The following SRPK2 variants were observed in gnomAD, a reference collection of about 807,000 sequenced individuals.
SRPK2 encodes the protein SFRS protein kinase 2.
A neutral mutation model predicts 90.8 loss-of-function variants in SRPK2; 21 were observed. That is an observed-to-expected ratio of 0.23 (90% CI 0.16 to 0.33). The LOEUF (loss-of-function observed/expected upper bound fraction) is 0.33, where lower values mean the gene tolerates loss of function less well. Ranked by LOEUF, SRPK2 falls within the 10% of genes least tolerant of loss-of-function variation. The pLI, the probability that SRPK2 is intolerant of heterozygous loss-of-function variation, is 1.00. For missense variants in SRPK2, 620 were observed against 869.0 expected, an observed-to-expected ratio of 0.71 and a Z score of 3.60; for synonymous variants, 288 against 311.1, an observed-to-expected ratio of 0.93 and a Z score of 0.78.
intron 7 of SRPK2, among the ~76,000 whole-genome samples, chr7:105,153,130 G>A (rs565046013): frequency 5.3e-5 from 8 of 152,214 alleles, no homozygotes; most frequent in South Asian, 2.1e-4. Flanking sequence ...AAGCCCAGAC[G>A]AGCCAGGGAC....
At chr7:105,258,146 C>T (rs978632779) in intron 2 of SRPK2, among the ~76,000 whole-genome samples, 2 of 151,388 alleles carry the variant, frequency 1.3e-5, no homozygotes, top group Admixed American at 6.6e-5. Context: ...AGGCCAGGTG[C>T]GGTGGATCAC....
intron 2 of SRPK2, among the ~76,000 whole-genome samples, chr7:105,315,840 G>A (rs551155404): frequency 6.6e-6 from 1 of 152,032 alleles, no homozygotes; most frequent in Non-Finnish European, 1.5e-5. Context: ...CTAATATAAT[G>A]CATAATAAAT....
intron 2 of SRPK2, among the ~76,000 whole-genome samples, chr7:105,289,100 CAAAAAAA>C (rs57131530): frequency 2.3e-5 from 2 of 86,656 alleles, no homozygotes; most frequent in South Asian, 4.8e-4. Context: ...ACTTAAAGCA[CAAAAAAA>C]AAAAAAAAAA....
At chr7:105,156,350 T>C (rs1272187302) in intron 7 of SRPK2, among the ~76,000 whole-genome samples, 1 of 152,190 alleles carries the variant, frequency 6.6e-6, no homozygotes, top group African/African-American at 2.4e-5. Flanking sequence ...ATAATACCCA[T>C]TTCACAGGGT....
At chr7:105,243,393 A>C (rs555464978) in intron 2 of SRPK2, among the ~76,000 whole-genome samples, 1 of 152,320 alleles carries the variant, frequency 6.6e-6, no homozygotes, top group South Asian at 2.1e-4. Context: ...CAAGATTACA[A>C]TTAAAATCCT....
chr7:105,242,080 C>T (rs1216655359), intron 2 of SRPK2, among the ~76,000 whole-genome samples: 1 of 152,178 alleles, frequency 6.6e-6, no homozygotes, highest in African/African-American at 2.4e-5. Flanking sequence ...TCATTATCAG[C>T]TGGTTGACGG....
intron 2 of SRPK2, among the ~76,000 whole-genome samples, chr7:105,241,425 T>A (rs1180012733): frequency 2.0e-5 from 3 of 152,224 alleles, no homozygotes; most frequent in African/African-American, 7.2e-5. Context: ...CTCCAAAGCA[T>A]GTGATCATTC....
chr7:105,200,484 G>C (rs1024845246), intron 3 of SRPK2, among the ~76,000 whole-genome samples: 1 of 152,040 alleles, frequency 6.6e-6, no homozygotes, highest in African/African-American at 2.4e-5. Flanking sequence ...CAGTCCACCC[G>C]AGACAGAAAG....
chr7:105,392,944 C>A (rs1822219562), upstream of SRPK2, among the ~76,000 whole-genome samples: 1 of 151,478 alleles, frequency 6.6e-6, no homozygotes, highest in Non-Finnish European at 1.5e-5. Flanking sequence ...TCCCAAGTAG[C>A]TGGGACTACA....
intron 1 of SRPK2, among the ~76,000 whole-genome samples, chr7:105,395,956 C>T (rs986397591): frequency 2.4e-4 from 36 of 151,984 alleles, no homozygotes; most frequent in Non-Finnish European, 3.8e-4. Flanking sequence ...ACTCTTGTTG[C>T]TCGGGCTGGA....
chr7:105,170,977 G>GAGAAAGAA (rs750707874), intron 3 of SRPK2, among the ~76,000 whole-genome samples: 2 of 42,210 alleles, frequency 4.7e-5, no homozygotes, highest in African/African-American at 2.0e-4. Flanking sequence ...GAGAAAGAAA[G>GAGAAAGAA]AGAAAGAAAG....
At chr7:105,375,966 G>A (rs992801564) in intron 2 of SRPK2, among the ~76,000 whole-genome samples, 5 of 136,772 alleles carry the variant, frequency 3.7e-5, no homozygotes, top group South Asian at 5.0e-4. Flanking sequence ...CTTGGGCAAC[G>A]TAATGAGAAT....
chr7:105,187,821 T>C (rs1793783597), intron 3 of SRPK2, among the ~76,000 whole-genome samples: 1 of 152,026 alleles, frequency 6.6e-6, no homozygotes, highest in African/African-American at 2.4e-5. Flanking sequence ...AAAGGTTTTT[T>C]AAAAAAATAG....
intron 3 of SRPK2, among the ~76,000 whole-genome samples, chr7:105,193,973 T>C (rs1794614483): frequency 6.6e-6 from 1 of 152,224 alleles, no homozygotes; most frequent in Admixed American, 6.5e-5. Context: ...ATCTCACTCT[T>C]GAAGTTCCCT....
At chr7:105,159,466 A>AAAAAAAAAT (rs1316365933) in intron 7 of SRPK2, among the ~76,000 whole-genome samples, 1 of 114,230 alleles carries the variant, frequency 8.8e-6, no homozygotes, top group African/African-American at 3.1e-5. Context: ...AAAAAAAAAA[A>AAAAAAAAAT]AAAAAAACCG....
chr7:105,231,004 G>A (rs1799358729), intron 2 of SRPK2, among the ~76,000 whole-genome samples: 1 of 152,148 alleles, frequency 6.6e-6, no homozygotes, highest in Admixed American at 6.5e-5. Context: ...GTAAGCTTGT[G>A]TCACTAAGGT....
rs765544583 is a variant in SRPK2, at chr7:105,159,448, CAAAAAAAA to C, written c.621+1051_621+1058del. 1.1e-3 allele frequency among the ~76,000 whole-genome samples: 35 copies of C among 33,144 alleles called. 1 individual carries two copies. The highest frequency in any genetic ancestry group is 1.9e-3 in the Non-Finnish European group (31 of 15,910). The allele number at this position is 33,144 out of a possible 152,430, so 21.7% of individuals were successfully genotyped here. ...GGGTGACAGAGCGAGACTCCGTCTC[CAAAAAAAA>C]AAAAAAAAAAAAAAAAACCGTACAA... On this transcript the variant is annotated intron_variant, in intron 7 of 15. Transcript: ENST00000393651.
chr7:105,388,752 G>A lies in SRPK2; in HGVS notation c.16+39C>T, dbSNP rs201149905. On this transcript the variant is annotated intron_variant, in intron 1 of 15. Transcript: ENST00000393651. ...ACGGTCGGGCCGCCCGCCCGGGCTGGCCGCGTGGCGGGGAGAGGGCGCGCC... is the reference window on the plus strand; with the variant it reads ...ACGGTCGGGCCGCCCGCCCGGGCTGACCGCGTGGCGGGGAGAGGGCGCGCC... 4,722 of 1,542,234 alleles carry A rather than the reference G, an allele frequency of 3.1e-3. 10 individuals carry two copies. The highest frequency in any genetic ancestry group is 3.6e-3 in the Non-Finnish European group (4,117 of 1,143,650).
At chr7:105,124,721 T>C (rs1207251808) in intron 15 of SRPK2, among the ~76,000 whole-genome samples, 4 of 150,952 alleles carry the variant, frequency 2.6e-5, no homozygotes, top group Non-Finnish European at 5.9e-5. Context: ...CTTTCAGAAA[T>C]TTCTAAAAGT....
Sources: gnomAD v4.1 joint callset for allele counts (sites outside exome capture counted in the v4.1 genomes callset) on GRCh38, gnomAD v4.1.1 for gene constraint, MANE v1.5 for transcripts, NCBI Gene and HGNC (gene_info 2026-07-23, HGNC 2026-07-21) for gene names.